The following MARCHF1 variants were observed in gnomAD, a reference collection of about 807,000 sequenced individuals.
MARCHF1 encodes the protein membrane associated ring-CH-type finger 1.
Under a neutral mutation model 54.2 loss-of-function variants are expected in MARCHF1, and 40 were observed. The observed-to-expected ratio is 0.74, with a 90% CI of 0.57 to 0.96. MARCHF1 has a LOEUF of 0.96. Among genes scored for constraint, MARCHF1 ranks in the 40% least tolerant of loss-of-function variants. MARCHF1 has a pLI of 0.00. For synonymous variants in MARCHF1, 236 were observed against 236.3 expected (o/e 1.00, Z 0.01); for missense variants, 586 against 656.5 (o/e 0.89, Z 1.17).
rs1388553710 is a variant in MARCHF1 at position 163,930,005 on chromosome 4, TA to T, written c.-39+58495del. 4.5e-5 allele frequency among the ~76,000 whole-genome samples: 6 copies of T among 134,588 alleles called. No homozygotes were observed. In the South Asian group the frequency reaches 8.7e-4, roughly 20 times the overall value. 88.3% of individuals were successfully genotyped at this position (134,588 alleles called of 152,430 possible). A position where few individuals can be genotyped will look rare whatever the true frequency, so the allele number is the denominator to read the frequency against. On this transcript the variant is annotated intron_variant, in intron 3 of 9. Coordinates refer to ENST00000514618, the MANE Select transcript of MARCHF1 (RefSeq NM_001394959.1). The stretch of plus-strand genomic sequence containing the variant: ...TAATATATATATAATATATTATATA[TA>T]AATATATTATATATACTATATTATA...
chr4:163,595,036 G>GA (rs1175451420), intron 7 of MARCHF1, among the ~76,000 whole-genome samples: 1 of 152,000 alleles, frequency 6.6e-6, no homozygotes, highest in Non-Finnish European at 1.5e-5. Context: ...TGAAGCTACG[G>GA]AAACAACCTA....
chr4:163,690,071 C>G (rs1299925197), intron 5 of MARCHF1, among the ~76,000 whole-genome samples: 2 of 152,058 alleles, frequency 1.3e-5, no homozygotes, highest in Non-Finnish European at 2.9e-5. Context: ...CCTGAGCTGT[C>G]TACACTCCTG....
At chr4:163,598,371 AC>A (rs1286685851) in intron 7 of MARCHF1, among the ~76,000 whole-genome samples, 1 of 152,228 alleles carries the variant, frequency 6.6e-6, no homozygotes, top group African/African-American at 2.4e-5. Context: ...ATTATGAAGT[AC>A]AGTCACGCCA....
chr4:163,723,922 C>T (rs1422374312), intron 4 of MARCHF1, among the ~76,000 whole-genome samples: 2 of 152,164 alleles, frequency 1.3e-5, no homozygotes, highest in East Asian at 1.9e-4. Context: ...GTTAGCCATT[C>T]GTCTAATCTT....
At chr4:163,745,906 C>T (rs1342808036) in intron 4 of MARCHF1, among the ~76,000 whole-genome samples, 3 of 152,180 alleles carry the variant, frequency 2.0e-5, no homozygotes, top group Admixed American at 1.3e-4. Flanking sequence ...AGGGAAAGCA[C>T]ACAGATTTCC....
chr4:163,866,626 G>A (rs1750058875), intron 3 of MARCHF1, among the ~76,000 whole-genome samples: 1 of 151,080 alleles, frequency 6.6e-6, no homozygotes. Flanking sequence ...AAAGTTAAGG[G>A]CAAAATTCTC....
At chr4:164,347,349 T>C (rs961601977) in intron 1 of MARCHF1, among the ~76,000 whole-genome samples, 3 of 152,218 alleles carry the variant, frequency 2.0e-5, no homozygotes, top group Non-Finnish European at 4.4e-5. Flanking sequence ...GTGACTTGTA[T>C]GGCTGAAGAA....
chr4:164,316,095 A>G, intron 1 of MARCHF1, among the ~76,000 whole-genome samples: 1 of 152,172 alleles, frequency 6.6e-6, no homozygotes. Flanking sequence ...ATATATATAA[A>G]GTGATAAGAC....
chr4:164,308,249 C>G (rs1333318571), intron 1 of MARCHF1, among the ~76,000 whole-genome samples: 1 of 152,102 alleles, frequency 6.6e-6, no homozygotes, highest in African/African-American at 2.4e-5. Flanking sequence ...TTCATTAAAA[C>G]CTAGCATTGA....
intron 1 of MARCHF1, among the ~76,000 whole-genome samples, chr4:164,256,374 T>C (rs1733281153): frequency 6.7e-6 from 1 of 148,174 alleles, no homozygotes; most frequent in South Asian, 2.1e-4. Flanking sequence ...GCCCTAAATG[T>C]ATTTGGGTGA....
intron 5 of MARCHF1, among the ~76,000 whole-genome samples, chr4:163,615,244 G>A (rs566034513): frequency 1.3e-5 from 2 of 152,126 alleles, no homozygotes; most frequent in East Asian, 3.9e-4. Context: ...AGGAGGTAAC[G>A]ATCCAGCTAA....
intron 1 of MARCHF1, among the ~76,000 whole-genome samples, chr4:164,359,080 A>T (rs557600170): frequency 1.3e-5 from 2 of 152,306 alleles, no homozygotes; most frequent in Non-Finnish European, 1.5e-5. Context: ...GGGGATTCAG[A>T]GTAAACATTT....
chr4:164,342,421 A>C (rs1481685530), intron 1 of MARCHF1, among the ~76,000 whole-genome samples: 1 of 152,028 alleles, frequency 6.6e-6, no homozygotes, highest in Non-Finnish European at 1.5e-5. Flanking sequence ...ACTAATTAAA[A>C]ATAAAACTAC....
chr4:164,178,764 C>A (rs1215401220), intron 1 of MARCHF1, among the ~76,000 whole-genome samples: 1 of 151,956 alleles, frequency 6.6e-6, no homozygotes, highest in East Asian at 1.9e-4. Flanking sequence ...TTCAAAAATA[C>A]TGGTATATTT....
intron 7 of MARCHF1, among the ~76,000 whole-genome samples, chr4:163,591,272 A>G (rs990623794): frequency 3.9e-5 from 6 of 151,964 alleles, no homozygotes; most frequent in East Asian, 3.9e-4. Flanking sequence ...TATGTTCTTC[A>G]TACCTTTGAC....
At chr4:164,074,844 T>A (rs767558129) in intron 2 of MARCHF1, among the ~76,000 whole-genome samples, 5 of 151,404 alleles carry the variant, frequency 3.3e-5, no homozygotes, top group South Asian at 2.1e-4. Flanking sequence ...TGTAAATTCA[T>A]AAAAAATTTT....
Position 164,340,749 on chromosome 4 carries a change from G to T in MARCHF1, c.-323+43121C>A, listed in dbSNP as rs543851009. On this transcript the variant is annotated intron_variant, in intron 1 of 9. Transcript: ENST00000514618. ...TTTTTTCATATTTTTAATAGAGACAGGTTTCACCATGTTGCCCAGGGTGGC... is the reference window on the plus strand; with the variant it reads ...TTTTTTCATATTTTTAATAGAGACATGTTTCACCATGTTGCCCAGGGTGGC... Among the ~76,000 whole-genome samples, 79 of 151,706 alleles carry T rather than the reference G, an allele frequency of 5.2e-4. 1 individual carries two copies. The highest frequency in any genetic ancestry group is 1.8e-3 in the African/African-American group (74 of 41,406).
chr4:164,330,454 C>T (rs1735406106), intron 1 of MARCHF1, among the ~76,000 whole-genome samples: 1 of 152,182 alleles, frequency 6.6e-6, no homozygotes, highest in Non-Finnish European at 1.5e-5. Flanking sequence ...CACAGACAGA[C>T]ATATGTCCAT....
At chr4:163,841,472 C>A (rs1341188581) in intron 4 of MARCHF1, among the ~76,000 whole-genome samples, 1 of 151,780 alleles carries the variant, frequency 6.6e-6, no homozygotes, top group African/African-American at 2.4e-5. Flanking sequence ...AGAATACGAG[C>A]CAGTAGCAGT....
Sources: allele counts gnomAD v4.1 joint callset (sites outside exome capture counted in the v4.1 genomes callset), GRCh38; gene constraint gnomAD v4.1.1; transcripts MANE v1.5; gene names NCBI Gene and HGNC (gene_info 2026-07-23, HGNC 2026-07-21).